Variants in P3H2 observed in about 807,000 individuals in gnomAD.
P3H2 encodes the protein leprecan-like 1.
A neutral mutation model predicts 87.0 loss-of-function variants in P3H2; 80 were observed. That is an observed-to-expected ratio of 0.92 (90% CI 0.77 to 1.11). The LOEUF (loss-of-function observed/expected upper bound fraction) is 1.11, where lower values mean the gene tolerates loss of function less well. P3H2 is among the 50% of genes least tolerant of loss of function. The pLI, the probability that P3H2 is intolerant of heterozygous loss-of-function variation, is 0.00. For synonymous variants in P3H2, 367 were observed against 359.3 expected, an observed-to-expected ratio of 1.02 and a Z score of -0.24; for missense variants, 1,001 against 923.9, an observed-to-expected ratio of 1.08 and a Z score of -1.08.
chr3:190,020,497 C>T lies in P3H2; in HGVS notation c.481-25055G>A, dbSNP rs537924633. On this transcript the variant is annotated intron_variant, in intron 1 of 14. Coordinates refer to ENST00000319332, the MANE Select transcript of P3H2 (RefSeq NM_018192.4). ...ATCAGTGGTAACTTCAAAGAAGCCA[C>T]GATCAGTTCTTTAAGGACTTTCCCT... Among the ~76,000 whole-genome samples the T allele has an allele frequency of 3.0e-3, 407 of 134,166 alleles. 86 individuals are homozygous for T. The highest frequency in any genetic ancestry group is 5.6e-3 in the Admixed American group (73 of 13,114). 88.0% of individuals were successfully genotyped at this position (134,166 alleles called of 152,430 possible).
Position 190,120,316 on chromosome 3 carries a change from T to C in P3H2, c.416A>G (p.Glu139Gly). The C allele has an allele frequency of 6.2e-7, 1 of 1,606,850 alleles. No individual in the cohort carries two copies. The highest frequency in any genetic ancestry group is 8.5e-7 in the Non-Finnish European group (1 of 1,177,958). ...GCGCTGGAAGTCGCTGCGCACATCC[T>C]CGCTGACGCGGTGGCGGGATGCGGG... is the stretch of plus-strand genomic sequence containing the variant. ...GGPASRHRVS[E>G]DVRSDFQRRV... Residue 139 changes from glutamate (E) to glycine (G), a missense_variant, in exon 1 of 15, where the codon GAG becomes GGG. Transcript: ENST00000319332.
intron 14 of P3H2, among the ~76,000 whole-genome samples, chr3:189,963,116 T>C (rs758190022): frequency 6.6e-6 from 1 of 152,168 alleles, no homozygotes; most frequent in African/African-American, 2.4e-5. Context: ...AGCCCAAATT[T>C]TCCCTCCAGG....
At chr3:190,113,600 C>A (rs1292195510) in intron 1 of P3H2, among the ~76,000 whole-genome samples, 1 of 152,148 alleles carries the variant, frequency 6.6e-6, no homozygotes, top group Non-Finnish European at 1.5e-5. Flanking sequence ...TGAACCTATC[C>A]ACCTTTCAAA....
chr3:190,056,393 G>A (rs1240014029), intron 1 of P3H2, among the ~76,000 whole-genome samples: 2 of 152,128 alleles, frequency 1.3e-5, no homozygotes, highest in Non-Finnish European at 2.9e-5. Context: ...TTGGTTCACC[G>A]CTATATTCCC....
chr3:190,084,965 A>C (rs1386924414), intron 1 of P3H2, among the ~76,000 whole-genome samples: 1 of 152,076 alleles, frequency 6.6e-6, no homozygotes, highest in Non-Finnish European at 1.5e-5. Context: ...AAAAAAAAGA[A>C]AGAAAGAAAA....
rs192083975 is a variant in P3H2 at position 190,107,020 on chromosome 3, T to C, written c.480+13232A>G. On this transcript the variant is annotated intron_variant, in intron 1 of 14. Transcript: ENST00000319332. ...TTCAAAACTAAGATCAAGTGTTTGA[T>C]TTCAGTGACTTTTTAAGTCTGTTAA... 3.0e-3 allele frequency among the ~76,000 whole-genome samples: 460 copies of C among 152,304 alleles called. 2 individuals are homozygous for C. The highest frequency in any genetic ancestry group is 7.0e-3 in the Admixed American group (107 of 15,306).
chr3:190,110,463 T>C (rs752862307), intron 1 of P3H2, among the ~76,000 whole-genome samples: 1 of 152,218 alleles, frequency 6.6e-6, no homozygotes, highest in Non-Finnish European at 1.5e-5. Context: ...GAGCCCTTGG[T>C]AATCCTATAG....
chr3:189,968,046 C>T (rs1338590000), intron 13 of P3H2, among the ~76,000 whole-genome samples: 1 of 152,164 alleles, frequency 6.6e-6, no homozygotes, highest in Non-Finnish European at 1.5e-5. Context: ...GTCCCAACTA[C>T]TTAGATTTTG....
chr3:189,971,918 G>A lies in P3H2; in HGVS notation c.1789C>T (p.Pro597Ser), dbSNP rs1723190447. 6.2e-7 allele frequency: 1 copy of A among 1,610,430 alleles called. No individual in the cohort carries two copies. The highest frequency in any genetic ancestry group is 1.3e-5 in the African/African-American group (1 of 74,836). ...TAGTCTCGAAATGTGTAAGCAGGAG[G>A]CTCCTTCCAGCATTCGTTGGCCTCT... The part of the protein sequence containing the change: ...DPEANECWKE[P>S]PAYTFRDYSA... The change falls in exon 12 of 15, where the codon CCT becomes TCT. Residue 597 changes from proline (P) to serine (S), a missense_variant. Physicochemically the swap from Pro to Ser is moderately conservative, Grantham distance 74. Coordinates refer to ENST00000319332, the MANE Select transcript of P3H2 (RefSeq NM_018192.4).
chr3:189,998,372 A>G (rs537317761), intron 1 of P3H2, among the ~76,000 whole-genome samples: 1 of 152,332 alleles, frequency 6.6e-6, no homozygotes, highest in East Asian at 1.9e-4. Flanking sequence ...GGCTCAGGAT[A>G]TTCCACTGAC....
At chr3:189,975,129 A>G (rs1723309941) in intron 8 of P3H2, among the ~76,000 whole-genome samples, 1 of 152,076 alleles carries the variant, frequency 6.6e-6, no homozygotes, top group African/African-American at 2.4e-5. Flanking sequence ...TAACACCTTC[A>G]CTAGGTGATT....
upstream of P3H2, chr3:190,121,670 G>A (rs1177996665): frequency 6.6e-6 from 1 of 152,268 alleles, no homozygotes; most frequent in Non-Finnish European, 1.5e-5. Context: ...TTTGGAGGCA[G>A]GAGGAGCTGT....
At chr3:190,059,210 T>A (rs944269620) in intron 1 of P3H2, among the ~76,000 whole-genome samples, 1 of 152,030 alleles carries the variant, frequency 6.6e-6, no homozygotes, top group Admixed American at 6.6e-5. Flanking sequence ...GCCATAATAG[T>A]ATAATTATCT....
At chr3:189,974,405 A>G (rs1723280896) in intron 9 of P3H2, among the ~76,000 whole-genome samples, 153 bp downstream of exon 9, 1 of 152,226 alleles carries the variant, frequency 6.6e-6, no homozygotes. Flanking sequence ...CCCAAAGGCT[A>G]TAAAAGTTCC....
chr3:190,073,083 G>A (rs962299087), intron 1 of P3H2, among the ~76,000 whole-genome samples: 2 of 152,192 alleles, frequency 1.3e-5, no homozygotes, highest in African/African-American at 4.8e-5. Flanking sequence ...AGAAACAGTA[G>A]TTTGTGATCA....
Position 190,120,624 on chromosome 3 carries a change from C to T in P3H2, c.108G>A (p.Leu36=), listed in dbSNP as rs776434639. ...CGAAGGGCTGCAGAGGCCCGGGCTCCAGCTCCAGCTCCCGGCGTGGGCTGT... is the reference window on the plus strand; with the variant it reads ...CGAAGGGCTGCAGAGGCCCGGGCTCTAGCTCCAGCTCCCGGCGTGGGCTGT... ...PPDSPRRELE[L]EPGPLQPFDL... Residue 36 remains leucine (L), a synonymous_variant, in exon 1 of 15, where the codon CTG becomes CTA. Transcript: ENST00000319332. The T allele has an allele frequency of 1.4e-5, 21 of 1,532,486 alleles. No homozygotes were observed. The highest frequency in any genetic ancestry group is 1.7e-5 in the Non-Finnish European group (20 of 1,148,214). 94.9% of individuals were successfully genotyped at this position (1,532,486 alleles called of 1,614,324 possible). A position where few individuals can be genotyped will look rare whatever the true frequency, so the allele number is the denominator to read the frequency against.
chr3:190,020,531 C>G (rs1017821088), intron 1 of P3H2, among the ~76,000 whole-genome samples: 8 of 134,340 alleles, frequency 6.0e-5, no homozygotes, highest in African/African-American at 2.1e-4. Flanking sequence ...CTCCTAGCAT[C>G]TTTTTTATGG....
intron 1 of P3H2, among the ~76,000 whole-genome samples, chr3:190,050,790 C>A (rs902657775): frequency 1.3e-5 from 2 of 152,132 alleles, no homozygotes; most frequent in Non-Finnish European, 2.9e-5. Flanking sequence ...CAGCTTCATG[C>A]AAATTCTATT....
intron 1 of P3H2, among the ~76,000 whole-genome samples, chr3:190,057,481 C>T (rs13073449): frequency 0.29 from 44,372 of 152,036 alleles, 6,639 homozygotes; most frequent in Middle Eastern, 0.36. Flanking sequence ...TCTTCTAAGG[C>T]CTACCATCTA....
Sources: gnomAD v4.1 joint callset for allele counts (sites outside exome capture counted in the v4.1 genomes callset) on GRCh38, gnomAD v4.1.1 for gene constraint, MANE v1.5 for transcripts, NCBI Gene and HGNC (gene_info 2026-07-23, HGNC 2026-07-21) for gene names.